Variants in TRPC6 observed in about 807,000 individuals in gnomAD.
TRPC6 encodes short transient receptor potential channel 6.
A neutral mutation model predicts 90.7 loss-of-function variants in TRPC6; 55 were observed. The observed-to-expected ratio is 0.61, with a 90% CI of 0.49 to 0.76. The LOEUF is 0.76. Among genes scored for constraint, TRPC6 ranks in the 30% least tolerant of loss-of-function variants. TRPC6 has a pLI of 0.00. For missense variants in TRPC6, 989 were observed against 1,122.7 expected (o/e 0.88, Z 1.70); for synonymous variants, 393 against 393.0 (o/e 1.00, Z 0.00).
At chr11:101,496,079 GGAGAGA>G (rs35713537) in intron 2 of TRPC6, among the ~76,000 whole-genome samples, 1 of 149,756 alleles carries the variant, frequency 6.7e-6, no homozygotes, top group African/African-American at 2.5e-5. Context: ...TGTGGCAGCA[GGAGAGA>G]GAGAGAGAGA....
intron 4 of TRPC6, 89 bp downstream of exon 4, chr11:101,488,848 C>A (rs1859736456): frequency 6.9e-7 from 1 of 1,446,276 alleles, no homozygotes; most frequent in Non-Finnish European, 9.6e-7. Context: ...AACTGTGATT[C>A]CCTGAAATTT....
chr11:101,582,474 T>G (rs750344426), intron 1 of TRPC6, among the ~76,000 whole-genome samples: 1 of 152,092 alleles, frequency 6.6e-6, no homozygotes, highest in Admixed American at 6.5e-5. Flanking sequence ...CCGCTGCACA[T>G]GTGGTCACAG....
intron 6 of TRPC6, among the ~76,000 whole-genome samples, chr11:101,474,769 C>T (rs1294127812): frequency 6.6e-6 from 1 of 152,084 alleles, no homozygotes; most frequent in Non-Finnish European, 1.5e-5. Flanking sequence ...TATATTTTCC[C>T]CATCCAGGTT....
At chr11:101,471,487 C>CACTCTCAG in intron 8 of TRPC6, 101 bp from the exon 9 acceptor site, 2 of 1,187,508 alleles carry the variant, frequency 1.7e-6, no homozygotes, top group Non-Finnish European at 2.5e-6. Flanking sequence ...TGCCTATAAA[C>CACTCTCAG]ACTCTCAGAC....
intron 1 of TRPC6, among the ~76,000 whole-genome samples, chr11:101,566,433 C>CA (rs1184550444): frequency 6.6e-6 from 1 of 151,570 alleles, no homozygotes; most frequent in East Asian, 1.9e-4. Flanking sequence ...AAAATAAAAA[C>CA]AAAAAAGATG....
At chr11:101,542,160 T>C (rs1197161261) in intron 1 of TRPC6, among the ~76,000 whole-genome samples, 2 of 152,198 alleles carry the variant, frequency 1.3e-5, no homozygotes, top group Non-Finnish European at 2.9e-5. Context: ...ATCTATAGTG[T>C]TTTGACTATT....
In TRPC6 at chr11:101,491,926, C is replaced by T. The variant is rs541013074; in HGVS notation, c.946-188G>A. 1.3e-3 allele frequency among the ~76,000 whole-genome samples: 192 copies of T among 144,310 alleles called. 1 individual carries two copies. The highest frequency in any genetic ancestry group is 2.1e-3 in the Non-Finnish European group (144 of 67,114). The allele number at this position is 144,310 out of a possible 152,430, so 94.7% of individuals were successfully genotyped here. A position where few individuals can be genotyped will look rare whatever the true frequency, so the allele number is the denominator to read the frequency against. On this transcript the variant is annotated intron_variant, in intron 2 of 12. Transcript: ENST00000344327. ...CACAATCTTGGCTCACTGCAAGATC[C>T]GCCTCCTGGGTTCACGCCATTCTCC... is the stretch of plus-strand genomic sequence containing the variant.
At chr11:101,528,320 T>A (rs540521611) in intron 1 of TRPC6, among the ~76,000 whole-genome samples, 1 of 152,270 alleles carries the variant, frequency 6.6e-6, no homozygotes, top group African/African-American at 2.4e-5. Flanking sequence ...GATCATAAGG[T>A]GGTATATGCA....
chr11:101,483,004 C>T lies in TRPC6; in HGVS notation c.1455G>A (p.Arg485=). Reference sequence around the variant, plus strand: ...TCCATGAGAAGCAGGATGTTTTCATCCTGAACAGCTGTTTTGCATTATCTG... The same window carrying T: ...TCCATGAGAAGCAGGATGTTTTCATTCTGAACAGCTGTTTTGCATTATCTG... ...TSTDNAKQLF[R]MKTSCFSWME... The change falls in exon 5 of 13, where the codon AGG becomes AGA. Residue 485 remains arginine (R), a synonymous_variant. Transcript: ENST00000344327. 6.2e-7 allele frequency: 1 copy of T among 1,614,014 alleles called. No individual in the cohort carries two copies. The highest frequency in any genetic ancestry group is 2.2e-5 in the East Asian group (1 of 44,882).
In TRPC6 at chr11:101,504,490, CGA is replaced by C. The variant is rs1565221444; in HGVS notation, c.477_478del (p.Arg160SerfsTer10). ...AGCTAGAAGCAAAGCATCCCCAACT[CGA>C]GAGAGGTTTTCTTTCTTGAGAAGAA... is the stretch of plus-strand genomic sequence containing the variant. On this transcript the variant is annotated frameshift_variant, in exon 2 of 13. Coordinates refer to ENST00000344327, the MANE Select transcript of TRPC6 (RefSeq NM_004621.6). LOFTEE classifies it high-confidence loss of function. The C allele has an allele frequency of 6.2e-7, 1 of 1,614,092 alleles. No individual in the cohort carries two copies. Among genetic ancestry groups the C allele is most frequent in the Admixed American group, 1.7e-5 (1 of 59,992 alleles).
intron 1 of TRPC6, among the ~76,000 whole-genome samples, chr11:101,522,668 A>C (rs938088274): frequency 3.3e-5 from 5 of 152,094 alleles, no homozygotes; most frequent in African/African-American, 1.2e-4. Context: ...TGTCTCTTTC[A>C]TAAGAATGTA....
At chr11:101,467,547 G>A (rs1859177135) in intron 10 of TRPC6, among the ~76,000 whole-genome samples, 1 of 152,170 alleles carries the variant, frequency 6.6e-6, no homozygotes, top group African/African-American at 2.4e-5. Context: ...AACATTTTAA[G>A]TACAACACAC....
At position 101,493,801 on chromosome 11, in the gene TRPC6, G is replaced by A. The variant is rs138260949; in HGVS notation, c.946-2063C>T. Among the ~76,000 whole-genome samples, 114 of 152,264 alleles carry A rather than the reference G, an allele frequency of 7.5e-4. 1 individual carries two copies. Among genetic ancestry groups the A allele is most frequent in the African/African-American group, 2.6e-3 (106 of 41,544 alleles). The stretch of plus-strand genomic sequence containing the variant: ...TTCAAGAGAAATGTATGTGATTCTG[G>A]ATGTCAGTCAATAAGGCCATATGTG... On this transcript the variant is annotated intron_variant, in intron 2 of 12. Coordinates refer to ENST00000344327, the MANE Select transcript of TRPC6 (RefSeq NM_004621.6).
At chr11:101,535,076 G>A (rs1022513878) in intron 1 of TRPC6, among the ~76,000 whole-genome samples, 2 of 152,076 alleles carry the variant, frequency 1.3e-5, no homozygotes, top group Non-Finnish European at 2.9e-5. Context: ...TGAGGATCAA[G>A]AATCGCTTAA....
At chr11:101,458,157 A>G (rs1443977597) in intron 10 of TRPC6, among the ~76,000 whole-genome samples, 1 of 152,200 alleles carries the variant, frequency 6.6e-6, no homozygotes, top group African/African-American at 2.4e-5. Context: ...CAAACTTTGA[A>G]GTACAGTTTC....
At chr11:101,539,403 G>A (rs56743893) in intron 1 of TRPC6, among the ~76,000 whole-genome samples, 41,290 of 152,084 alleles carry the variant, frequency 0.27, 5,931 homozygotes, top group Middle Eastern at 0.38. Context: ...ATTGCTGTGC[G>A]GAGCTAACCT....
chr11:101,504,827 A>G (rs200378134), intron 1 of TRPC6, 29 bp from the exon 2 acceptor site: 3 of 1,609,574 alleles, frequency 1.9e-6, no homozygotes, highest in Admixed American at 3.4e-5. Context: ...ATTGTAAACA[A>G]ATCACATTAA....
intron 1 of TRPC6, among the ~76,000 whole-genome samples, chr11:101,559,938 T>TC (rs1298807318): frequency 6.6e-6 from 1 of 152,064 alleles, no homozygotes; most frequent in Non-Finnish European, 1.5e-5. Context: ...TCCAGCTTCA[T>TC]CCATGTCCCT....
intron 4 of TRPC6, among the ~76,000 whole-genome samples, chr11:101,487,469 TC>T (rs1859702555): frequency 1.3e-5 from 2 of 152,082 alleles, no homozygotes; most frequent in Admixed American, 6.6e-5. Context: ...AGTACACCAG[TC>T]ACTCAAATAA....
Sources: allele counts gnomAD v4.1 joint callset (sites outside exome capture counted in the v4.1 genomes callset), GRCh38; gene constraint gnomAD v4.1.1; transcripts MANE v1.5; gene names NCBI Gene and HGNC (gene_info 2026-07-23, HGNC 2026-07-21).